LRRTM4: variants seen among roughly 807,000 people sequenced by gnomAD.
The protein encoded by LRRTM4 is leucine-rich repeat transmembrane neuronal protein 4.
In LRRTM4, 25 loss-of-function variants were observed where a neutral mutation model predicts 47.6. That is an observed-to-expected ratio of 0.53 (90% CI 0.38 to 0.73). LRRTM4 has a LOEUF of 0.73. Ranked by LOEUF, LRRTM4 falls within the 30% of genes least tolerant of loss-of-function variation. The pLI is 0.00. For synonymous variants in LRRTM4, 311 were observed against 269.5 expected (o/e 1.15, Z -1.51); for missense variants, 638 against 713.4 (o/e 0.89, Z 1.20).
At chr2:76,829,052 G>C (rs999119039) in intron 3 of LRRTM4, among the ~76,000 whole-genome samples, 1 of 151,924 alleles carries the variant, frequency 6.6e-6, no homozygotes, top group Non-Finnish European at 1.5e-5. Context: ...ATGGAACCAA[G>C]GGAATGTCCC....
intron 3 of LRRTM4, among the ~76,000 whole-genome samples, chr2:77,201,394 T>A (rs1673970997): frequency 6.6e-6 from 1 of 152,158 alleles, no homozygotes; most frequent in African/African-American, 2.4e-5. Flanking sequence ...GGTTATATGA[T>A]GTTTATCTCT....
At chr2:77,052,296 G>A (rs1187685462) in intron 3 of LRRTM4, among the ~76,000 whole-genome samples, 1 of 151,748 alleles carries the variant, frequency 6.6e-6, no homozygotes, top group East Asian at 1.9e-4. Flanking sequence ...AACCTCCCGG[G>A]TAGCTGGGAT....
intron 3 of LRRTM4, among the ~76,000 whole-genome samples, chr2:76,861,480 C>A (rs987025608): frequency 5.3e-5 from 8 of 152,014 alleles, no homozygotes; most frequent in African/African-American, 1.9e-4. Context: ...GTTTAAATTT[C>A]TTGCAGAGGT....
Position 77,522,248 on chromosome 2 carries a change from T to C in LRRTM4, c.-287A>G, listed in dbSNP as rs1679544507. On this transcript the variant is annotated 5_prime_UTR_variant, in exon 1 of 4. It removes an upstream start codon present in the reference 5' UTR. Coordinates refer to ENST00000409884, the MANE Select transcript of LRRTM4 (RefSeq NM_001134745.3). ...AAGCTATGCAGGCTAGGTTTATCCA[T>C]TTAGCTGGTCAGGTTTAAAGTGTTT... is the stretch of plus-strand genomic sequence containing the variant. 1.6e-6 allele frequency: 1 copy of C among 634,726 alleles called. No homozygotes were observed. The highest frequency in any genetic ancestry group is 2.9e-6 in the Non-Finnish European group (1 of 348,904). The allele number at this position is 634,726 out of a possible 1,614,324, so 39.3% of individuals were successfully genotyped here.
At chr2:77,092,218 A>G (rs1670666682) in intron 3 of LRRTM4, among the ~76,000 whole-genome samples, 2 of 152,138 alleles carry the variant, frequency 1.3e-5, no homozygotes, top group Non-Finnish European at 2.9e-5. Context: ...TTCCTGACCC[A>G]GACTTCAATC....
chr2:77,423,963 A>C (rs1675007946), intron 3 of LRRTM4, among the ~76,000 whole-genome samples: 1 of 152,152 alleles, frequency 6.6e-6, no homozygotes, highest in South Asian at 2.1e-4. Context: ...TTTCAGCTGT[A>C]TCCATTAAGC....
At chr2:76,802,876 G>GT in intron 3 of LRRTM4, among the ~76,000 whole-genome samples, 1 of 152,188 alleles carries the variant, frequency 6.6e-6, no homozygotes, top group South Asian at 2.1e-4. Flanking sequence ...AATAAATAGT[G>GT]TTGGGGCTAT....
chr2:76,748,735 G>T lies in LRRTM4; in HGVS notation c.1733C>A (p.Ser578Ter). 1.2e-6 allele frequency: 2 copies of T among 1,613,258 alleles called. No individual in the cohort carries two copies. Among genetic ancestry groups the T allele is most frequent in the Non-Finnish European group, 1.7e-6 (2 of 1,179,642 alleles). ...CTCTAGGTAGATGGCCGGTGCTGCC[G>T]ACCTGGCGATGGTGGCGATGAAGCT... ...DHSFIATIAR[S>*]AAPAIYLERI... Residue 578 changes from serine to a stop codon, truncating the protein, a stop_gained, in exon 4 of 4, where the codon TCG becomes TAG. Coordinates refer to ENST00000409884, the MANE Select transcript of LRRTM4 (RefSeq NM_001134745.3). LOFTEE classifies it high-confidence loss of function.
rs570677952 is a variant in LRRTM4, at chr2:77,116,268, GA to G, written c.1552-367353del. On this transcript the variant is annotated intron_variant, in intron 3 of 3. Transcript: ENST00000409884. ...GCAATAAATCATAGTATTTGAGTTTGAAAAAAAAAAAGAAAATTCAAAAAGA... is the reference window on the plus strand; with the variant it reads ...GCAATAAATCATAGTATTTGAGTTTGAAAAAAAAAAGAAAATTCAAAAAGA... Among the ~76,000 whole-genome samples the G allele has an allele frequency of 3.6e-3, 496 of 136,620 alleles. 3 individuals are homozygous for G. Among genetic ancestry groups the G allele is most frequent in the Middle Eastern group, 0.02 (5 of 254 alleles). 89.6% of individuals were successfully genotyped at this position (136,620 alleles called of 152,430 possible).
At chr2:76,895,371 T>TTCGGAATGGAATGTGACGA (rs1553426562) in intron 3 of LRRTM4, among the ~76,000 whole-genome samples, 1 of 152,078 alleles carries the variant, frequency 6.6e-6, no homozygotes, top group Non-Finnish European at 1.5e-5. Flanking sequence ...ATAAAAATGA[T>TTCGGAATGGAATGTGACGA]GCCTCATCCA....
At chr2:77,097,118 G>C (rs1670832594) in intron 3 of LRRTM4, among the ~76,000 whole-genome samples, 2 of 151,704 alleles carry the variant, frequency 1.3e-5, no homozygotes, top group South Asian at 4.2e-4. Context: ...TTACCCCAGG[G>C]TTAATAATAT....
At chr2:77,512,307 C>T (rs916680295) in intron 3 of LRRTM4, among the ~76,000 whole-genome samples, 4 of 151,966 alleles carry the variant, frequency 2.6e-5, no homozygotes, top group African/African-American at 7.2e-5. Context: ...AAATACTGTG[C>T]TTTTTTTCTC....
At chr2:76,926,863 A>C (rs1338337054) in intron 3 of LRRTM4, among the ~76,000 whole-genome samples, 1 of 152,170 alleles carries the variant, frequency 6.6e-6, no homozygotes, top group African/African-American at 2.4e-5. Context: ...CTGCATGTAC[A>C]TACTATTCCT....
chr2:77,032,222 T>C (rs1678685126), intron 3 of LRRTM4, among the ~76,000 whole-genome samples: 1 of 152,148 alleles, frequency 6.6e-6, no homozygotes, highest in South Asian at 2.1e-4. Flanking sequence ...CATTCCCTTC[T>C]TCTGAAGCAA....
chr2:77,243,755 C>CT (rs1675340940), intron 3 of LRRTM4, among the ~76,000 whole-genome samples: 2 of 119,850 alleles, frequency 1.7e-5, no homozygotes, highest in East Asian at 5.5e-4. Flanking sequence ...ATACCATATC[C>CT]CTTTTTTTTT....
At chr2:76,922,465 T>C (rs747612668) in intron 3 of LRRTM4, among the ~76,000 whole-genome samples, 2 of 152,008 alleles carry the variant, frequency 1.3e-5, no homozygotes, top group Non-Finnish European at 2.9e-5. Flanking sequence ...CCTCCATGAT[T>C]CAATCATCCC....
chr2:76,786,441 C>T (rs1395318466), intron 3 of LRRTM4, among the ~76,000 whole-genome samples: 1 of 151,874 alleles, frequency 6.6e-6, no homozygotes, highest in Non-Finnish European at 1.5e-5. Flanking sequence ...TCTTATATAG[C>T]AATTCTTTCA....
At chr2:77,067,099 C>T (rs760757306) in intron 3 of LRRTM4, among the ~76,000 whole-genome samples, 1 of 152,188 alleles carries the variant, frequency 6.6e-6, no homozygotes, top group Non-Finnish European at 1.5e-5. Context: ...AAGTCTACTT[C>T]TGATTGCTTT....
chr2:77,237,649 G>A (rs991972096), intron 3 of LRRTM4, among the ~76,000 whole-genome samples: 22 of 152,036 alleles, frequency 1.4e-4, no homozygotes, highest in African/African-American at 4.8e-4. Flanking sequence ...TCATCTCCGT[G>A]ATCCTCCACC....
Sources: gnomAD v4.1 joint callset for allele counts (sites outside exome capture counted in the v4.1 genomes callset) on GRCh38, gnomAD v4.1.1 for gene constraint, MANE v1.5 for transcripts, NCBI Gene and HGNC (gene_info 2026-07-23, HGNC 2026-07-21) for gene names.